Variants in PELI2 observed in about 807,000 individuals in gnomAD.
PELI2 encodes E3 ubiquitin-protein ligase pellino homolog 2.
Under a neutral mutation model 42.3 loss-of-function variants are expected in PELI2, and 23 were observed. The ratio of observed to expected loss-of-function variants is 0.54; its 90% CI spans 0.39 to 0.77. The LOEUF (loss-of-function observed/expected upper bound fraction) is 0.77, where lower values mean the gene tolerates loss of function less well. Among genes scored for constraint, PELI2 ranks in the 30% least tolerant of loss-of-function variants. The pLI is 0.00. For missense variants in PELI2, 463 were observed against 553.2 expected (o/e 0.84, Z 1.64); for synonymous variants, 245 against 212.2 (o/e 1.15, Z -1.34).
intron 1 of PELI2, among the ~76,000 whole-genome samples, chr14:56,125,640 T>C (rs187566300): frequency 7.9e-5 from 12 of 152,260 alleles, no homozygotes; most frequent in Admixed American, 5.2e-4. Context: ...AGGCAACGTA[T>C]ATAAGCAATT....
intron 5 of PELI2, among the ~76,000 whole-genome samples, chr14:56,294,294 G>A (rs1361260243): frequency 6.6e-6 from 1 of 152,170 alleles, no homozygotes; most frequent in Non-Finnish European, 1.5e-5. Context: ...GTACTGGAGT[G>A]GAGTATTCTA....
intron 1 of PELI2, 40 bp downstream of exon 1, chr14:56,118,777 C>T: frequency 4.4e-6 from 6 of 1,353,720 alleles, no homozygotes; most frequent in Non-Finnish European, 5.9e-6. Context: ...GCGGCGCGGG[C>T]GGGGAGCGCC....
At chr14:56,243,109 T>C (rs1458304502) in intron 2 of PELI2, among the ~76,000 whole-genome samples, 1 of 151,790 alleles carries the variant, frequency 6.6e-6, no homozygotes, top group Non-Finnish European at 1.5e-5. Flanking sequence ...TAGATGTCTG[T>C]CTGGTTGATT....
intron 2 of PELI2, among the ~76,000 whole-genome samples, chr14:56,235,018 G>A (rs1407961111): frequency 1.3e-5 from 2 of 152,232 alleles, no homozygotes; most frequent in East Asian, 3.9e-4. Flanking sequence ...TCTTTTCTGA[G>A]GGTGTTACGT....
intron 2 of PELI2, among the ~76,000 whole-genome samples, chr14:56,188,879 G>T (rs978832974): frequency 1.3e-5 from 2 of 152,150 alleles, no homozygotes; most frequent in African/African-American, 4.8e-5. Flanking sequence ...AGGGATTTAG[G>T]CTGGTCGCAG....
At chr14:56,185,177 C>T (rs572536089) in intron 2 of PELI2, among the ~76,000 whole-genome samples, 1 of 152,024 alleles carries the variant, frequency 6.6e-6, no homozygotes, top group African/African-American at 2.4e-5. Context: ...AGTTTTAGAT[C>T]AAGAATTGGC....
intron 2 of PELI2, among the ~76,000 whole-genome samples, chr14:56,181,340 CTTTTT>C (rs57251739): frequency 3.1e-5 from 3 of 97,100 alleles, no homozygotes; most frequent in Non-Finnish European, 4.1e-5. Flanking sequence ...CCCTGGTGGA[CTTTTT>C]TTTTTTTTTT....
chr14:56,133,671 A>G lies in PELI2; in HGVS notation c.77+14934A>G, dbSNP rs369994935. Among the ~76,000 whole-genome samples, 9 of 152,266 alleles carry G rather than the reference A, an allele frequency of 5.9e-5. No homozygotes were observed. In the South Asian group the frequency reaches 8.3e-4, roughly 14 times the overall value. ...CATGCAACTCCCTCTGCCTGCTACA[A>G]CCTGCTCAACTGATAGGATTTAGCC... On this transcript the variant is annotated intron_variant, in intron 1 of 5. Coordinates refer to ENST00000267460, the MANE Select transcript of PELI2 (RefSeq NM_021255.3).
At chr14:56,170,562 CCTAA>C (rs1462652238) in intron 1 of PELI2, among the ~76,000 whole-genome samples, 4 of 152,130 alleles carry the variant, frequency 2.6e-5, no homozygotes, top group African/African-American at 9.7e-5. Flanking sequence ...CCTGACATTT[CCTAA>C]CTGTGTAAGT....
chr14:56,226,607 G>A (rs11158084), intron 2 of PELI2, among the ~76,000 whole-genome samples: 1 of 151,922 alleles, frequency 6.6e-6, no homozygotes, highest in African/African-American at 2.4e-5. Context: ...TTATGAAGTC[G>A]TAGTTTACCT....
intron 2 of PELI2, among the ~76,000 whole-genome samples, chr14:56,233,144 A>G (rs1887647198): frequency 6.6e-6 from 1 of 152,236 alleles, no homozygotes; most frequent in Non-Finnish European, 1.5e-5. Flanking sequence ...GCTCATGGAT[A>G]GGAAGAATCA....
chr14:56,177,230 C>T (rs1391278255), intron 1 of PELI2, among the ~76,000 whole-genome samples: 1 of 152,200 alleles, frequency 6.6e-6, no homozygotes, highest in Non-Finnish European at 1.5e-5. Flanking sequence ...AAGCCCCTTT[C>T]TTCCAACTTC....
At chr14:56,196,168 A>G (rs562084322) in intron 2 of PELI2, among the ~76,000 whole-genome samples, 37 of 152,360 alleles carry the variant, frequency 2.4e-4, no homozygotes, top group Middle Eastern at 6.8e-3. Flanking sequence ...TTTAAAGGCT[A>G]CAGAGAAGAG....
In PELI2 at chr14:56,290,363, G is replaced by C; in HGVS notation, c.603G>C (p.Glu201Asp). The change falls in exon 5 of 6, where the codon GAG becomes GAC. Residue 201 changes from glutamate to aspartate, a missense_variant. Physicochemically the swap from Glu to Asp is conservative, Grantham distance 45. Coordinates refer to ENST00000267460, the MANE Select transcript of PELI2 (RefSeq NM_021255.3). ...LVMHPRGGFT[E>D]ESQPGVWREI... ...TGCATCCACGAGGGGGCTTCACCGA[G>C]GAGTCCCAGCCCGGGGTCTGGCGCG... 6.2e-7 allele frequency: 1 copy of C among 1,613,904 alleles called. No individual in the cohort carries two copies. Among genetic ancestry groups the C allele is most frequent in the Non-Finnish European group, 8.5e-7 (1 of 1,179,818 alleles).
At chr14:56,217,843 T>A (rs8015177) in intron 2 of PELI2, among the ~76,000 whole-genome samples, 67 of 152,014 alleles carry the variant, frequency 4.4e-4, no homozygotes, top group Non-Finnish European at 7.9e-4. Context: ...TACAGTGTTA[T>A]ACTCACCAGC....
chr14:56,290,632 T>C (rs1889799321), intron 5 of PELI2, among the ~76,000 whole-genome samples, 176 bp downstream of exon 5: 1 of 152,192 alleles, frequency 6.6e-6, no homozygotes, highest in Non-Finnish European at 1.5e-5. Context: ...AATGGCCTTA[T>C]CTCCTTCAGG....
At chr14:56,175,314 G>C (rs1885332953) in intron 1 of PELI2, among the ~76,000 whole-genome samples, 1 of 152,162 alleles carries the variant, frequency 6.6e-6, no homozygotes, top group African/African-American at 2.4e-5. Context: ...GACAGTTCAA[G>C]CAGTGCTTCC....
At chr14:56,170,738 C>T (rs1021143996) in intron 1 of PELI2, among the ~76,000 whole-genome samples, 3 of 152,012 alleles carry the variant, frequency 2.0e-5, no homozygotes, top group Admixed American at 1.3e-4. Context: ...ACAGAAAAAC[C>T]CTTTATTACT....
intron 2 of PELI2, among the ~76,000 whole-genome samples, chr14:56,248,437 A>G: frequency 6.6e-6 from 1 of 152,226 alleles, no homozygotes; most frequent in Non-Finnish European, 1.5e-5. Flanking sequence ...AAGAAGCGAT[A>G]CATCCCGATC....
Sources: gnomAD v4.1 joint callset for allele counts (sites outside exome capture counted in the v4.1 genomes callset) on GRCh38, gnomAD v4.1.1 for gene constraint, MANE v1.5 for transcripts, NCBI Gene and HGNC (gene_info 2026-07-23, HGNC 2026-07-21) for gene names.